Variants in SNTG1 observed in about 807,000 individuals in gnomAD.
The protein encoded by SNTG1 is syntrophin gamma 1.
SNTG1 carries 39 observed loss-of-function variants against 74.7 expected under a neutral mutation model. The observed-to-expected ratio is 0.52, with a 90% CI of 0.40 to 0.68. The LOEUF (loss-of-function observed/expected upper bound fraction) is 0.68. Ranked by LOEUF, SNTG1 falls within the 30% of genes least tolerant of loss-of-function variation. SNTG1 has a pLI of 0.00. For missense variants in SNTG1, 685 were observed against 609.5 expected, an observed-to-expected ratio of 1.12 and a Z score of -1.30; for synonymous variants, 254 against 217.1, an observed-to-expected ratio of 1.17 and a Z score of -1.49.
At chr8:50,007,650 T>C (rs1357262806) in intron 1 of SNTG1, among the ~76,000 whole-genome samples, 1 of 152,098 alleles carries the variant, frequency 6.6e-6, no homozygotes, top group African/African-American at 2.4e-5. Flanking sequence ...TCCTGAATGA[T>C]AAGAGATTCC....
chr8:50,550,021 AT>A (rs1367385401), intron 11 of SNTG1, among the ~76,000 whole-genome samples: 1 of 152,188 alleles, frequency 6.6e-6, no homozygotes, highest in Non-Finnish European at 1.5e-5. Context: ...AATTGTTCTC[AT>A]TTTTAGGGGA....
chr8:50,151,897 G>T (rs1158560134), intron 1 of SNTG1, among the ~76,000 whole-genome samples: 1 of 152,162 alleles, frequency 6.6e-6, no homozygotes, highest in Admixed American at 6.5e-5. Context: ...TTGATTTGGG[G>T]TGGAGAGTTC....
intron 1 of SNTG1, among the ~76,000 whole-genome samples, chr8:50,127,217 C>T (rs756931293): frequency 3.3e-5 from 5 of 151,908 alleles, no homozygotes; most frequent in Admixed American, 1.3e-4. Context: ...CTCTTCAGAC[C>T]GACACATGAG....
At chr8:50,174,982 G>A (rs1022419969) in intron 2 of SNTG1, among the ~76,000 whole-genome samples, 5 of 151,176 alleles carry the variant, frequency 3.3e-5, no homozygotes, top group South Asian at 2.1e-4. Flanking sequence ...TTGTCCTTGC[G>A]ATAGTTTGCT....
chr8:50,488,040 C>A (rs895162068), intron 8 of SNTG1, among the ~76,000 whole-genome samples: 4 of 151,986 alleles, frequency 2.6e-5, no homozygotes. Context: ...CAAATGGAGT[C>A]TTATTAATGT....
intron 1 of SNTG1, among the ~76,000 whole-genome samples, chr8:50,104,830 T>C (rs1284446229): frequency 6.6e-6 from 1 of 152,100 alleles, no homozygotes; most frequent in Non-Finnish European, 1.5e-5. Context: ...GCCATGTGTA[T>C]GTCTTGTTTT....
intron 11 of SNTG1, among the ~76,000 whole-genome samples, chr8:50,540,550 AT>A (rs1353651540): frequency 6.6e-6 from 1 of 151,934 alleles, no homozygotes; most frequent in South Asian, 2.1e-4. Context: ...ATCATTCATG[AT>A]TTTTTTCTGT....
chr8:50,502,629 A>C, intron 8 of SNTG1, 149 bp from the exon 9 acceptor site: 1 of 619,554 alleles, frequency 1.6e-6, no homozygotes, highest in Non-Finnish European at 2.8e-6. Flanking sequence ...GCAATGATAA[A>C]TAATTAGCTC....
intron 1 of SNTG1, among the ~76,000 whole-genome samples, chr8:50,097,524 C>A (rs919358375): frequency 6.6e-6 from 1 of 151,780 alleles, no homozygotes; most frequent in Non-Finnish European, 1.5e-5. Context: ...CAGTGGCGGG[C>A]GCCTGTAGTC....
intron 2 of SNTG1, among the ~76,000 whole-genome samples, chr8:50,305,316 A>G (rs1348852650): frequency 1.3e-5 from 2 of 152,094 alleles, no homozygotes; most frequent in East Asian, 3.9e-4. Flanking sequence ...CTTATGGTGT[A>G]CCTGCTCAAT....
Position 50,795,826 on chromosome 8 carries a change from AATAG to A in SNTG1, c.*3002_*3005del, listed in dbSNP as rs1305156827. The A allele has an allele frequency of 2.6e-5, 4 of 152,086 alleles. No homozygotes were observed. The highest frequency in any genetic ancestry group is 3.8e-4 in the East Asian group (2 of 5,196). The allele number at this position is 152,086 out of a possible 1,614,324, so 9.4% of individuals were successfully genotyped here. A position where few individuals can be genotyped will look rare whatever the true frequency, so the allele number is the denominator to read the frequency against. Reference sequence around the variant, plus strand: ...CAAGTATTTATTTAAAAAATAGTTTAATAGATAGTGTAAGTGTAATGTATATCTG... The same window carrying A: ...CAAGTATTTATTTAAAAAATAGTTTAATAGTGTAAGTGTAATGTATATCTG... On this transcript the variant is annotated 3_prime_UTR_variant, in exon 19 of 19. Transcript: ENST00000642720.
chr8:50,366,356 C>T (rs2923062), intron 2 of SNTG1, among the ~76,000 whole-genome samples: 54,472 of 151,876 alleles, frequency 0.36, 9,920 homozygotes, highest in South Asian at 0.43. Context: ...CTTTTTACTA[C>T]GCTGTGCAGT....
Position 50,356,087 on chromosome 8 carries a change from C to T in SNTG1, c.-27-38125C>T, listed in dbSNP as rs576954809. ...GTCTTTCAGCATTTTGGGGATGGCC[C>T]TTGCAATTCTGATTTTCCATCCATG... On this transcript the variant is annotated intron_variant, in intron 2 of 18. Coordinates refer to ENST00000642720, the MANE Select transcript of SNTG1 (RefSeq NM_018967.5). Among the ~76,000 whole-genome samples, 22 of 151,758 alleles carry T rather than the reference C, an allele frequency of 1.4e-4. No homozygotes were observed. The South Asian group carries it at 4.2e-3, about 29-fold the overall frequency.
intron 1 of SNTG1, among the ~76,000 whole-genome samples, chr8:50,122,459 T>C (rs1178069180): frequency 7.1e-6 from 1 of 140,312 alleles, no homozygotes. Flanking sequence ...AAGAAGTAGG[T>C]CAAAAAAAAG....
At chr8:50,417,623 C>A (rs1482036722) in intron 4 of SNTG1, among the ~76,000 whole-genome samples, 1 of 152,108 alleles carries the variant, frequency 6.6e-6, no homozygotes, top group African/African-American at 2.4e-5. Flanking sequence ...ATTTTCTTGT[C>A]CATTCAGTCC....
intron 13 of SNTG1, among the ~76,000 whole-genome samples, chr8:50,595,660 G>A (rs2094722297): frequency 6.6e-6 from 1 of 151,988 alleles, no homozygotes; most frequent in Non-Finnish European, 1.5e-5. Context: ...AGGGAGCGGG[G>A]AACAAATGTA....
chr8:50,383,700 C>T (rs1587411040), intron 2 of SNTG1, among the ~76,000 whole-genome samples: 2 of 152,026 alleles, frequency 1.3e-5, no homozygotes, highest in East Asian at 3.9e-4. Context: ...ATTAATAGTC[C>T]CTGCCTGAAC....
At chr8:50,701,781 C>T (rs1197664633) in intron 15 of SNTG1, among the ~76,000 whole-genome samples, 23 of 144,018 alleles carry the variant, frequency 1.6e-4, no homozygotes, top group Non-Finnish European at 6.0e-5. Flanking sequence ...TCTTTCTCTT[C>T]CTCTTCCTCC....
At chr8:50,231,340 A>G (rs2085613032) in intron 2 of SNTG1, among the ~76,000 whole-genome samples, 1 of 151,426 alleles carries the variant, frequency 6.6e-6, no homozygotes, top group Non-Finnish European at 1.5e-5. Flanking sequence ...TCAAAAAACT[A>G]AAAAGAGAGT....
Sources: allele counts gnomAD v4.1 joint callset (sites outside exome capture counted in the v4.1 genomes callset), GRCh38; gene constraint gnomAD v4.1.1; transcripts MANE v1.5; gene names NCBI Gene and HGNC (gene_info 2026-07-23, HGNC 2026-07-21).